SV2C: variants seen among roughly 807,000 people sequenced by gnomAD.
The protein encoded by SV2C is synaptic vesicle glycoprotein 2C, also known as solute carrier family 22 member B3.
In SV2C, 49 loss-of-function variants were observed where a neutral mutation model predicts 79.7. That is an observed-to-expected ratio of 0.61 (90% CI 0.49 to 0.78). The LOEUF is 0.78. Among genes scored for constraint, SV2C ranks in the 30% least tolerant of loss-of-function variants. The pLI, the probability that SV2C is intolerant of heterozygous loss-of-function variation, is 0.00. For missense variants in SV2C, 833 were observed against 912.9 expected (o/e 0.91, Z 1.13); for synonymous variants, 334 against 333.2 (o/e 1.00, Z -0.03).
intron 12 of SV2C, among the ~76,000 whole-genome samples, chr5:76,319,834 C>G (rs535496808): frequency 1.3e-5 from 2 of 152,262 alleles, no homozygotes; most frequent in South Asian, 4.2e-4. Context: ...GATGCAAATC[C>G]TATCTGGGTT....
At chr5:75,920,540 T>C in the SV2C span, 1 of 473,254 alleles carries the variant, frequency 2.1e-6, no homozygotes, top group Non-Finnish European at 3.8e-6. Context: ...GGTCACACCA[T>C]CTTGGAATAA....
chr5:76,206,273 T>C (rs1744605065), intron 3 of SV2C, among the ~76,000 whole-genome samples: 1 of 152,230 alleles, frequency 6.6e-6, no homozygotes, highest in Non-Finnish European at 1.5e-5. Context: ...CTAAACATTT[T>C]TCTGATGATC....
At chr5:76,291,706 G>T (rs979269460) in intron 7 of SV2C, 62 bp from the exon 8 acceptor site, 4 of 1,133,980 alleles carry the variant, frequency 3.5e-6, no homozygotes, top group Middle Eastern at 2.0e-4. Flanking sequence ...TGGTGGAAGG[G>T]GTCGGGGAGT....
the SV2C span, among the ~76,000 whole-genome samples, chr5:75,891,563 C>T: frequency 0.021 from 3,211 of 152,160 alleles, 114 homozygotes; most frequent in African/African-American, 0.071. Context: ...GAATATCTTT[C>T]TTTCCAATAA....
At chr5:76,037,823 T>G in the SV2C span, among the ~76,000 whole-genome samples, 12 of 152,352 alleles carry the variant, frequency 7.9e-5, no homozygotes, top group East Asian at 1.5e-3. Flanking sequence ...CTGGGCAATG[T>G]CGGGCGCCCC....
the SV2C span, among the ~76,000 whole-genome samples, chr5:75,899,243 T>C: frequency 6.6e-6 from 1 of 152,250 alleles, no homozygotes; most frequent in Non-Finnish European, 1.5e-5. Flanking sequence ...GCTTTGAATG[T>C]GTCCCGGAGA....
At chr5:75,956,271 T>G in the SV2C span, among the ~76,000 whole-genome samples, 1 of 146,852 alleles carries the variant, frequency 6.8e-6, no homozygotes, top group African/African-American at 2.5e-5. Context: ...TTGGAAATCA[T>G]CATTCTCAGT....
intron 4 of SV2C, among the ~76,000 whole-genome samples, chr5:76,210,108 A>G (rs1744726501): frequency 6.6e-6 from 1 of 152,214 alleles, no homozygotes; most frequent in Non-Finnish European, 1.5e-5. Context: ...AATGGGGGGA[A>G]AATATTTTCC....
chr5:76,267,495 T>C (rs937155843), intron 4 of SV2C, among the ~76,000 whole-genome samples: 2 of 152,222 alleles, frequency 1.3e-5, no homozygotes, highest in African/African-American at 2.4e-5. Context: ...TATCAAAATG[T>C]AAAGTATTCT....
At chr5:75,879,316 T>A in the SV2C span, among the ~76,000 whole-genome samples, 842 of 152,254 alleles carry the variant, frequency 5.5e-3, 3 homozygotes, top group African/African-American at 0.019. Context: ...AGTCCAAAGT[T>A]CTGTCTCATC....
intron 2 of SV2C, among the ~76,000 whole-genome samples, chr5:76,187,336 G>A (rs1039758744): frequency 6.6e-6 from 1 of 152,196 alleles, no homozygotes; most frequent in Non-Finnish European, 1.5e-5. Flanking sequence ...AGGCCCGCAT[G>A]TGCTTTTTAG....
the SV2C span, among the ~76,000 whole-genome samples, chr5:75,884,833 G>GA: frequency 6.6e-6 from 1 of 151,700 alleles, no homozygotes; most frequent in Admixed American, 6.6e-5. Flanking sequence ...AATAGAAAAA[G>GA]AAAAAACCAT....
rs543159709 is a variant in SV2C, at chr5:76,160,403, A to G, written c.580+28073A>G. On this transcript the variant is annotated intron_variant, in intron 2 of 12. Coordinates refer to ENST00000502798, the MANE Select transcript of SV2C (RefSeq NM_014979.4). ...TAGACATACAGCTCTATGAAACGGA[A>G]TTGAGAATCCAGAAATAAACCTCTA... is the stretch of plus-strand genomic sequence containing the variant. 1.1e-4 allele frequency among the ~76,000 whole-genome samples: 17 copies of G among 152,350 alleles called. No individual in the cohort carries two copies. In the South Asian group the frequency reaches 3.5e-3, roughly 32 times the overall value.
the SV2C span, among the ~76,000 whole-genome samples, chr5:75,977,890 C>G: frequency 6.6e-6 from 1 of 152,288 alleles, no homozygotes; most frequent in South Asian, 2.1e-4. Context: ...TGGACCATTC[C>G]CATTAACATG....
chr5:75,975,141 A>T, the SV2C span, among the ~76,000 whole-genome samples: 2 of 152,172 alleles, frequency 1.3e-5, no homozygotes, highest in Non-Finnish European at 2.9e-5. Flanking sequence ...TGAAGAGCCA[A>T]ACCAAAAACC....
chr5:75,894,663 G>C, the SV2C span, among the ~76,000 whole-genome samples: 3 of 152,090 alleles, frequency 2.0e-5, no homozygotes, highest in African/African-American at 7.2e-5. Flanking sequence ...ACAATCAATG[G>C]CAATTGTTAA....
At chr5:75,889,637 AAATAC>A in the SV2C span, among the ~76,000 whole-genome samples, 3 of 152,128 alleles carry the variant, frequency 2.0e-5, no homozygotes, top group African/African-American at 7.2e-5. Flanking sequence ...GATTATCTCC[AAATAC>A]AATACAGTCG....
rs373338361 is a variant in SV2C at position 76,295,834 on chromosome 5, A to T, written c.1394A>T (p.Glu465Val). ...GTCATTAAACCTCTGCAGTCCGATG[A>T]ATATGCATTGCTAACCAGAAATGTG... Reference protein sequence around the residue: ...PDVIKPLQSDEYALLTRNVER... With the variant: ...PDVIKPLQSDVYALLTRNVER... Residue 465 changes from glutamate to valine, a missense_variant, in exon 9 of 13, where the codon GAA (glutamate) becomes GTA (valine). Coordinates refer to ENST00000502798, the MANE Select transcript of SV2C (RefSeq NM_014979.4). 1.2e-6 allele frequency: 2 copies of T among 1,613,538 alleles called. No individual in the cohort carries two copies. The highest frequency in any genetic ancestry group is 1.3e-5 in the African/African-American group (1 of 74,892).
chr5:76,308,160 T>C (rs1237117210), intron 12 of SV2C, among the ~76,000 whole-genome samples: 2 of 152,210 alleles, frequency 1.3e-5, no homozygotes, highest in Non-Finnish European at 2.9e-5. Flanking sequence ...TTTGCTTGAA[T>C]TGGCTTTCTG....
Sources: gnomAD v4.1 joint callset for allele counts (sites outside exome capture counted in the v4.1 genomes callset) on GRCh38, gnomAD v4.1.1 for gene constraint, MANE v1.5 for transcripts, NCBI Gene and HGNC (gene_info 2026-07-23, HGNC 2026-07-21) for gene names.